CYFIP1: variants seen among roughly 807,000 people sequenced by gnomAD.
The protein encoded by CYFIP1 is cytoplasmic FMR1 interacting protein 1, also known as cytoplasmic FMR1-interacting protein 1.
In CYFIP1, 58 loss-of-function variants were observed where a neutral mutation model predicts 163.5. The ratio of observed to expected loss-of-function variants is 0.35; its 90% CI spans 0.29 to 0.44. The LOEUF (loss-of-function observed/expected upper bound fraction) is 0.44. Ranked by LOEUF, CYFIP1 falls within the 20% of genes least tolerant of loss-of-function variation. The pLI is 1.00. For missense variants in CYFIP1, 1,338 were observed against 1,653.8 expected (o/e 0.81, Z 3.31); for synonymous variants, 663 against 660.7 (o/e 1.00, Z -0.05).
At position 22,965,033 on chromosome 15, in the gene CYFIP1, C is replaced by G. The variant is rs1216603302; in HGVS notation, c.-7+15254G>C. Among the ~76,000 whole-genome samples the G allele has an allele frequency of 3.4e-5, 4 of 118,222 alleles. No homozygotes were observed. In the East Asian group the frequency reaches 6.4e-4, roughly 19 times the overall value. The allele number at this position is 118,222 out of a possible 152,430, so 77.6% of individuals were successfully genotyped here. A position where few individuals can be genotyped will look rare whatever the true frequency, so the allele number is the denominator to read the frequency against. The stretch of plus-strand genomic sequence containing the variant: ...TTCTTTTTAAAGGCTGAATAGTATT[C>G]CATTGTGTGTGTGTGTGTGTGTGTG... On this transcript the variant is annotated intron_variant, in intron 1 of 30. Transcript: ENST00000617928.
chr15:22,941,162 T>C (rs2061881918), intron 6 of CYFIP1, among the ~76,000 whole-genome samples: 2 of 152,034 alleles, frequency 1.3e-5, no homozygotes, highest in Non-Finnish European at 2.9e-5. Flanking sequence ...CTCAAGTGAT[T>C]CTCCAACCTC....
chr15:22,901,647 C>T (rs768677839), intron 22 of CYFIP1, among the ~76,000 whole-genome samples: 1 of 152,232 alleles, frequency 6.6e-6, no homozygotes, highest in African/African-American at 2.4e-5. Flanking sequence ...CCACCTAGGT[C>T]ACCTCCTAGA....
At chr15:22,919,138 G>A (rs2061095926) in intron 13 of CYFIP1, among the ~76,000 whole-genome samples, 1 of 152,088 alleles carries the variant, frequency 6.6e-6, no homozygotes. Context: ...CTCCTGTGAT[G>A]GAATTCAAAT....
At chr15:22,914,587 G>C in intron 17 of CYFIP1, 139 bp downstream of exon 17, 1 of 790,190 alleles carries the variant, frequency 1.3e-6, no homozygotes, top group Non-Finnish European at 1.9e-6. Flanking sequence ...GTAGAGACTG[G>C]GGTCTTGCTA....
At chr15:22,930,301 G>A (rs2061495377) in intron 11 of CYFIP1, among the ~76,000 whole-genome samples, 1 of 149,668 alleles carries the variant, frequency 6.7e-6, no homozygotes, top group Admixed American at 6.8e-5. Flanking sequence ...GGCTGAGGAA[G>A]GAGAATGGTG....
intron 12 of CYFIP1, among the ~76,000 whole-genome samples, 188 bp downstream of exon 12, chr15:22,927,718 A>ATTT (rs2061402094): frequency 1.3e-5 from 2 of 150,386 alleles, no homozygotes; most frequent in Non-Finnish European, 3.0e-5. Context: ...ATTTTTTTTA[A>ATTT]AAAGGAGGCC....
chr15:22,944,238 C>CAAA (rs34662161), intron 5 of CYFIP1, among the ~76,000 whole-genome samples: 37 of 94,926 alleles, frequency 3.9e-4, no homozygotes, highest in African/African-American at 7.6e-4. Flanking sequence ...GACTCTGTCT[C>CAAA]AAAAAAAAAA....
At chr15:22,891,297 C>T (rs149870802) in intron 23 of CYFIP1, among the ~76,000 whole-genome samples, 1 of 152,058 alleles carries the variant, frequency 6.6e-6, no homozygotes, top group African/African-American at 2.4e-5. Context: ...TGGTGTTGCA[C>T]ACCTGTAATC....
At chr15:22,975,683 C>T (rs1360421803) in intron 1 of CYFIP1, among the ~76,000 whole-genome samples, 1 of 152,122 alleles carries the variant, frequency 6.6e-6, no homozygotes, top group Non-Finnish European at 1.5e-5. Context: ...GGCTTAAACC[C>T]AGGAGGCAGA....
At chr15:22,913,715 A>G (rs532430064) in intron 17 of CYFIP1, among the ~76,000 whole-genome samples, 12 of 151,288 alleles carry the variant, frequency 7.9e-5, no homozygotes, top group African/African-American at 2.9e-4. Context: ...CCACTACCTC[A>G]TATCTGGACA....
chr15:22,913,205 GA>G (rs572437905), intron 17 of CYFIP1, among the ~76,000 whole-genome samples: 241 of 141,958 alleles, frequency 1.7e-3, no homozygotes, highest in Middle Eastern at 7.9e-3. Flanking sequence ...CTGTTGGGGG[GA>G]AAAAAAAAAA....
At chr15:22,913,441 T>G (rs1468878575) in intron 17 of CYFIP1, among the ~76,000 whole-genome samples, 2 of 140,816 alleles carry the variant, frequency 1.4e-5, no homozygotes, top group Non-Finnish European at 3.0e-5. Context: ...GGCCGGAGAA[T>G]TGCTTGAACC....
In CYFIP1 at chr15:22,913,549, AAAG is replaced by A. The variant is rs1159051773; in HGVS notation, c.1985+1174_1985+1176del. 5.6e-4 allele frequency among the ~76,000 whole-genome samples: 78 copies of A among 139,758 alleles called. 1 individual carries two copies. The highest frequency in any genetic ancestry group is 1.7e-3 in the African/African-American group (59 of 33,748). The allele number at this position is 139,758 out of a possible 152,430, so 91.7% of individuals were successfully genotyped here. ...TCTCAAAAAAAAAAAAAAAAAAAAA[AAAG>A]AAAGAAAGAAAAAAAAGAAAAAATT... On this transcript the variant is annotated intron_variant, in intron 17 of 30. Coordinates refer to ENST00000617928, the MANE Select transcript of CYFIP1 (RefSeq NM_014608.6).
chr15:22,898,981 G>A (rs1294909228), intron 22 of CYFIP1, among the ~76,000 whole-genome samples: 10 of 151,688 alleles, frequency 6.6e-5, no homozygotes, highest in Admixed American at 1.3e-4. Context: ...CAGCCTGGGT[G>A]ACAGCATGAG....
intron 1 of CYFIP1, among the ~76,000 whole-genome samples, chr15:22,976,913 C>T (rs1567056843): frequency 1.3e-5 from 2 of 152,094 alleles, no homozygotes; most frequent in East Asian, 1.9e-4. Flanking sequence ...GAAATAAGGT[C>T]GCCAGGCCGG....
At chr15:22,880,819 G>T (rs2059739479) in intron 25 of CYFIP1, among the ~76,000 whole-genome samples, 1 of 152,142 alleles carries the variant, frequency 6.6e-6, no homozygotes, top group South Asian at 2.1e-4. Context: ...CAGCACCGCT[G>T]CAGGGACTCA....
At chr15:22,903,604 C>A in intron 22 of CYFIP1, 102 bp downstream of exon 22, 1 of 1,239,100 alleles carries the variant, frequency 8.1e-7, no homozygotes, top group Non-Finnish European at 1.2e-6. Context: ...TGGGGAGCAG[C>A]AAGAGCAGGG....
chr15:22,902,070 C>A (rs374690468), intron 22 of CYFIP1, among the ~76,000 whole-genome samples: 1 of 152,190 alleles, frequency 6.6e-6, no homozygotes, highest in East Asian at 1.9e-4. Flanking sequence ...AGGTATGGCC[C>A]GAGGCAGCAG....
chr15:22,940,649 A>C (rs1174453434), intron 6 of CYFIP1, among the ~76,000 whole-genome samples: 1 of 152,216 alleles, frequency 6.6e-6, no homozygotes, highest in Non-Finnish European at 1.5e-5. Context: ...AATAAACTGC[A>C]ATCTTTTTAA....
Sources: allele counts gnomAD v4.1 joint callset (sites outside exome capture counted in the v4.1 genomes callset), GRCh38; gene constraint gnomAD v4.1.1; transcripts MANE v1.5; gene names NCBI Gene and HGNC (gene_info 2026-07-23, HGNC 2026-07-21).